CYP2C19: variants seen among roughly 807,000 people sequenced by gnomAD.
CYP2C19 encodes the protein cytochrome P450 family 2 subfamily C member 19.
Under a neutral mutation model 40.9 loss-of-function variants are expected in CYP2C19, and 59 were observed. The ratio of observed to expected loss-of-function variants is 1.44; its 90% CI spans 1.17 to 1.79. The LOEUF (loss-of-function observed/expected upper bound fraction) is 1.79. Among genes scored for constraint, CYP2C19 ranks in the 40% most tolerant of loss-of-function variants. The pLI, the probability that CYP2C19 is intolerant of heterozygous loss-of-function variation, is 0.00. For missense variants in CYP2C19, 754 were observed against 596.9 expected, an observed-to-expected ratio of 1.26 and a Z score of -2.74; for synonymous variants, 253 against 208.7, an observed-to-expected ratio of 1.21 and a Z score of -1.83.
chr10:94,826,293 T>C (rs1849220332), intron 6 of CYP2C19, among the ~76,000 whole-genome samples: 3 of 152,168 alleles, frequency 2.0e-5, no homozygotes, highest in African/African-American at 7.2e-5. Flanking sequence ...CCCATGAGCA[T>C]GGAATGTTCT....
intron 6 of CYP2C19, among the ~76,000 whole-genome samples, chr10:94,827,758 G>T (rs1253655326): frequency 6.6e-6 from 1 of 151,826 alleles, no homozygotes; most frequent in Non-Finnish European, 1.5e-5. Flanking sequence ...GTGATGTTAG[G>T]GTGTCTATTT....
intron 1 of CYP2C19, 143 bp from the exon 2 acceptor site, chr10:94,774,915 T>A (rs934265413): frequency 2.0e-5 from 17 of 860,502 alleles, no homozygotes; most frequent in Non-Finnish European, 2.8e-5. Context: ...CATCATCATG[T>A]TTATATATAA....
At chr10:94,787,176 T>C (rs1848553270) in intron 5 of CYP2C19, among the ~76,000 whole-genome samples, 1 of 152,160 alleles carries the variant, frequency 6.6e-6, no homozygotes, top group Non-Finnish European at 1.5e-5. Flanking sequence ...TTTTGGCTTT[T>C]TAATCATATC....
intron 8 of CYP2C19, among the ~76,000 whole-genome samples, chr10:94,851,971 TA>T (rs960017292): frequency 2.6e-5 from 4 of 151,636 alleles, no homozygotes; most frequent in African/African-American, 9.7e-5. Flanking sequence ...AGAAAGAGAG[TA>T]AAAAAGGAGA....
At chr10:94,784,936 T>C (rs1848522295) in intron 5 of CYP2C19, among the ~76,000 whole-genome samples, 1 of 152,136 alleles carries the variant, frequency 6.6e-6, no homozygotes, top group South Asian at 2.1e-4. Context: ...ATTTTGAACT[T>C]CTTTTAATAT....
At position 94,852,732 on chromosome 10, in the gene CYP2C19, G is replaced by C. The variant is rs746548445; in HGVS notation, c.1292-1G>C. On this transcript the variant is annotated splice_acceptor_variant, in intron 8 of 8. Transcript: ENST00000371321. LOFTEE classifies it high-confidence loss of function. Reference sequence around the variant, plus strand: ...CTTCTCCCTATGTTTGTTATTTTCAGGAAAACGGATTTGTGTGGGAGAGGG... The same window carrying C: ...CTTCTCCCTATGTTTGTTATTTTCACGAAAACGGATTTGTGTGGGAGAGGG... 1.9e-6 allele frequency: 3 copies of C among 1,613,622 alleles called. No homozygotes were observed. Among genetic ancestry groups the C allele is most frequent in the Non-Finnish European group, 2.5e-6 (3 of 1,179,884 alleles).
At chr10:94,782,134 A>G (rs1848487624) in intron 5 of CYP2C19, 137 bp downstream of exon 5, 3 of 573,228 alleles carry the variant, frequency 5.2e-6, no homozygotes, top group Non-Finnish European at 8.8e-6. Flanking sequence ...TATTGTATGC[A>G]TGAATATCCA....
At chr10:94,823,447 T>C (rs1301292516) in intron 6 of CYP2C19, among the ~76,000 whole-genome samples, 2 of 152,194 alleles carry the variant, frequency 1.3e-5, no homozygotes, top group African/African-American at 4.8e-5. Context: ...TTATTCATCT[T>C]GCTTCCTAAA....
At chr10:94,821,918 G>C (rs573474906) in intron 6 of CYP2C19, among the ~76,000 whole-genome samples, 5 of 152,006 alleles carry the variant, frequency 3.3e-5, no homozygotes, top group East Asian at 1.9e-4. Flanking sequence ...CCAACAGATG[G>C]TTCTCCAACC....
intron 6 of CYP2C19, among the ~76,000 whole-genome samples, chr10:94,823,584 C>A (rs1263710864): frequency 2.0e-5 from 3 of 152,134 alleles, no homozygotes; most frequent in Non-Finnish European, 2.9e-5. Context: ...ACATACTCTG[C>A]TAGACACAGG....
At chr10:94,835,018 C>G (rs969126500) in intron 6 of CYP2C19, among the ~76,000 whole-genome samples, 1 of 152,112 alleles carries the variant, frequency 6.6e-6, no homozygotes, top group South Asian at 2.1e-4. Flanking sequence ...GGGAGAGGTG[C>G]CTTCAATGTC....
Position 94,853,925 on chromosome 10 carries a change from G to T in CYP2C19, c.*1011G>T, listed in dbSNP as rs1247410423. 6.6e-6 allele frequency among the ~76,000 whole-genome samples: 1 copy of T among 152,114 alleles called. No individual in the cohort carries two copies. The highest frequency in any genetic ancestry group is 1.5e-5 in the Non-Finnish European group (1 of 68,034). ...TTTATTACTTCATGTTTCCAACTTAGAATGAAGTAATGAAGTATAAATATA... is the reference window on the plus strand; with the variant it reads ...TTTATTACTTCATGTTTCCAACTTATAATGAAGTAATGAAGTATAAATATA... On this transcript the variant is annotated 3_prime_UTR_variant, in exon 9 of 9. Coordinates refer to ENST00000371321, the MANE Select transcript of CYP2C19 (RefSeq NM_000769.4).
chr10:94,782,093 G>C, intron 5 of CYP2C19, 96 bp downstream of exon 5: 1 of 988,860 alleles, frequency 1.0e-6, no homozygotes, highest in Non-Finnish European at 1.5e-6. Context: ...ACAGGTCAAG[G>C]AGTAATGCTT....
chr10:94,796,012 A>T (rs941382980), intron 5 of CYP2C19, among the ~76,000 whole-genome samples: 2 of 151,966 alleles, frequency 1.3e-5, no homozygotes, highest in African/African-American at 4.8e-5. Context: ...GTTAGATCCC[A>T]TTTGTCAATT....
intron 5 of CYP2C19, among the ~76,000 whole-genome samples, chr10:94,791,019 C>A (rs902995233): frequency 6.6e-6 from 1 of 152,046 alleles, no homozygotes; most frequent in Non-Finnish European, 1.5e-5. Context: ...GGTTGGTATG[C>A]TATTAATTAT....
At chr10:94,772,482 G>T (rs1185651664) in intron 1 of CYP2C19, among the ~76,000 whole-genome samples, 1 of 152,116 alleles carries the variant, frequency 6.6e-6, no homozygotes, top group Non-Finnish European at 1.5e-5. Context: ...TGTCTGGCAG[G>T]CATTAGGACC....
At position 94,781,932 on chromosome 10, in the gene CYP2C19, C is replaced by T. The variant is rs748628122; in HGVS notation, c.754C>T (p.Gln252Ter). Residue 252 changes from glutamine to a stop codon, truncating the protein, a stop_gained, in exon 5 of 9, where the codon CAA becomes TAA. Coordinates refer to ENST00000371321, the MANE Select transcript of CYP2C19 (RefSeq NM_000769.4). LOFTEE classifies it high-confidence loss of function. ...TATTTTGGAGAAAGTAAAAGAACAC[C>T]AAGAATCGATGGACATCAACAACCC... is the stretch of plus-strand genomic sequence containing the variant. The part of the protein sequence containing the change: ...SDILEKVKEH[Q>*]ESMDINNPRD... The T allele has an allele frequency of 2.1e-5, 31 of 1,508,834 alleles. No homozygotes were observed. Among genetic ancestry groups the T allele is most frequent in the Non-Finnish European group, 2.5e-5 (29 of 1,140,126 alleles). The allele number at this position is 1,508,834 out of a possible 1,614,324, so 93.5% of individuals were successfully genotyped here.
intron 5 of CYP2C19, among the ~76,000 whole-genome samples, chr10:94,784,097 C>A (rs776577195): frequency 1.3e-5 from 2 of 152,126 alleles, no homozygotes; most frequent in Non-Finnish European, 2.9e-5. Context: ...AACCTCTAAT[C>A]TTTTTTCTGT....
intron 5 of CYP2C19, among the ~76,000 whole-genome samples, 172 bp from the exon 6 acceptor site, chr10:94,820,324 C>T (rs1344110137): frequency 6.6e-6 from 1 of 151,978 alleles, no homozygotes; most frequent in Non-Finnish European, 1.5e-5. Context: ...CCTTTGAAAA[C>T]TGGCACAAGA....
Sources: gnomAD v4.1 joint callset for allele counts (sites outside exome capture counted in the v4.1 genomes callset) on GRCh38, gnomAD v4.1.1 for gene constraint, MANE v1.5 for transcripts, NCBI Gene and HGNC (gene_info 2026-07-23, HGNC 2026-07-21) for gene names.